Variants in AMD1 observed in about 807,000 individuals in gnomAD.
AMD1 encodes the protein adenosylmethionine decarboxylase 1.
In AMD1, 11 loss-of-function variants were observed where a neutral mutation model predicts 40.2. The observed-to-expected ratio is 0.27, with a 90% CI of 0.17 to 0.45. The LOEUF is 0.45. Ranked by LOEUF, AMD1 falls within the 20% of genes least tolerant of loss-of-function variation. The pLI, the probability that AMD1 is intolerant of heterozygous loss-of-function variation, is 1.00. For missense variants in AMD1, 257 were observed against 410.2 expected (o/e 0.63, Z 3.23); for synonymous variants, 121 against 130.8 (o/e 0.93, Z 0.51).
intron 1 of AMD1, among the ~76,000 whole-genome samples, chr6:110,880,996 A>G (rs79832660): frequency 0.011 from 1,731 of 152,340 alleles, 32 homozygotes; most frequent in African/African-American, 0.04. Context: ...GTCCCTGTAG[A>G]CATTTCTAAA....
At chr6:110,876,664 A>C (rs747021547) in intron 1 of AMD1, among the ~76,000 whole-genome samples, 3 of 152,174 alleles carry the variant, frequency 2.0e-5, no homozygotes, top group Non-Finnish European at 4.4e-5. Context: ...AGCGCTTACT[A>C]CGTGCCAGGC....
At chr6:110,866,056 C>A in the AMD1 span, among the ~76,000 whole-genome samples, 3 of 152,134 alleles carry the variant, frequency 2.0e-5, no homozygotes, top group Admixed American at 2.0e-4. Context: ...ACCCACCATG[C>A]CTGGCCTTCA....
chr6:110,828,856 C>G, the AMD1 span, among the ~76,000 whole-genome samples: 2 of 152,144 alleles, frequency 1.3e-5, no homozygotes, highest in African/African-American at 4.8e-5. Flanking sequence ...AGGTTGGGTG[C>G]CTTTCATCTG....
the AMD1 span, chr6:110,858,513 T>C: frequency 3.8e-6 from 6 of 1,578,358 alleles, no homozygotes. Flanking sequence ...TCCAATTTCA[T>C]CAAGGCCATG....
intron 2 of AMD1, 143 bp downstream of exon 2, chr6:110,887,734 G>A (rs939887864): frequency 2.9e-5 from 15 of 524,646 alleles, no homozygotes; most frequent in South Asian, 1.8e-4. Context: ...CACCCAGGCT[G>A]GAGTGCAATG....
chr6:110,825,111 C>T, the AMD1 span, among the ~76,000 whole-genome samples: 1 of 152,210 alleles, frequency 6.6e-6, no homozygotes, highest in African/African-American at 2.4e-5. Flanking sequence ...TATACACACA[C>T]TGCTTTTTCC....
the AMD1 span, among the ~76,000 whole-genome samples, chr6:110,859,477 C>G: frequency 6.6e-6 from 1 of 152,146 alleles, no homozygotes; most frequent in Non-Finnish European, 1.5e-5. Flanking sequence ...GTTTCCGGTT[C>G]CCTTGTCTCT....
At chr6:110,874,014 C>T (rs1784970394), upstream of AMD1, among the ~76,000 whole-genome samples, 1 of 152,228 alleles carries the variant, frequency 6.6e-6, no homozygotes, top group Non-Finnish European at 1.5e-5. Flanking sequence ...AATGGAGCAA[C>T]GGAGCTGCCA....
At chr6:110,832,064 G>A in the AMD1 span, among the ~76,000 whole-genome samples, 4 of 147,056 alleles carry the variant, frequency 2.7e-5, no homozygotes, top group African/African-American at 1.0e-4. Flanking sequence ...CCAGGCTGGA[G>A]TGCAGTGGCA....
chr6:110,840,592 C>G, the AMD1 span, among the ~76,000 whole-genome samples: 1 of 152,100 alleles, frequency 6.6e-6, no homozygotes, highest in Admixed American at 6.6e-5. Context: ...AGGCCTGCCA[C>G]CCTTCAGGAA....
At chr6:110,818,300 G>A in the AMD1 span, among the ~76,000 whole-genome samples, 1 of 152,078 alleles carries the variant, frequency 6.6e-6, no homozygotes, top group African/African-American at 2.4e-5. Flanking sequence ...AAAAAAAGGG[G>A]GATAGGAAGT....
At chr6:110,872,656 A>G (rs1784938731), upstream of AMD1, among the ~76,000 whole-genome samples, 2 of 152,244 alleles carry the variant, frequency 1.3e-5, no homozygotes, top group Admixed American at 1.3e-4. Flanking sequence ...GAGAAACCAG[A>G]GTATACAAGG....
In AMD1 at chr6:110,894,840, G is replaced by A. The variant is rs1334150721; in HGVS notation, c.*1224G>A. The A allele has an allele frequency of 6.6e-6, 1 of 152,098 alleles. No homozygotes were observed. Among genetic ancestry groups the A allele is most frequent in the African/African-American group, 2.4e-5 (1 of 41,412 alleles). 9.4% of individuals were successfully genotyped at this position (152,098 alleles called of 1,614,324 possible). On this transcript the variant is annotated 3_prime_UTR_variant, in exon 9 of 9. Coordinates refer to ENST00000368885, the MANE Select transcript of AMD1 (RefSeq NM_001634.6). Reference sequence around the variant, plus strand: ...ACTTCATCTGTTCCTCTTAACTACGGTGTTTCCCTTACCATGGCATTCATA... The same window carrying A: ...ACTTCATCTGTTCCTCTTAACTACGATGTTTCCCTTACCATGGCATTCATA...
chr6:110,894,827 C>T lies in AMD1; in HGVS notation c.*1211C>T, dbSNP rs566817889. The T allele has an allele frequency of 1.3e-5, 2 of 152,226 alleles. No individual in the cohort carries two copies. The highest frequency in any genetic ancestry group is 1.3e-4 in the Admixed American group (2 of 15,268). The allele number at this position is 152,226 out of a possible 1,614,324, so 9.4% of individuals were successfully genotyped here. Reference sequence around the variant, plus strand: ...TGTGAGTGTTCCGACTTCATCTGTTCCTCTTAACTACGGTGTTTCCCTTAC... The same window carrying T: ...TGTGAGTGTTCCGACTTCATCTGTTTCTCTTAACTACGGTGTTTCCCTTAC... On this transcript the variant is annotated 3_prime_UTR_variant, in exon 9 of 9. Coordinates refer to ENST00000368885, the MANE Select transcript of AMD1 (RefSeq NM_001634.6).
chr6:110,821,651 T>C, the AMD1 span, among the ~76,000 whole-genome samples: 1 of 151,778 alleles, frequency 6.6e-6, no homozygotes, highest in Non-Finnish European at 1.5e-5. Context: ...AAATCTGCAA[T>C]AAAAGAAAAA....
the AMD1 span, chr6:110,815,205 C>G: frequency 2.1e-4 from 311 of 1,449,620 alleles, no homozygotes; most frequent in Non-Finnish European, 2.7e-4. Flanking sequence ...CCTCCTCCCC[C>G]CGCGACCGCC....
intron 4 of AMD1, 67 bp from the exon 5 acceptor site, chr6:110,892,094 G>GGAT: frequency 1.3e-6 from 2 of 1,520,500 alleles, no homozygotes; most frequent in Non-Finnish European, 1.8e-6. Context: ...TATTGTGGAA[G>GGAT]GGTAGTAACA....
chr6:110,882,188 GTGGCACGATCT>G (rs1441208982), intron 1 of AMD1, among the ~76,000 whole-genome samples: 5 of 152,208 alleles, frequency 3.3e-5, no homozygotes, highest in Admixed American at 1.3e-4. Context: ...CTGGTGTGCA[GTGGCACGATCT>G]TGGCTCACTG....
At chr6:110,839,585 C>T in the AMD1 span, among the ~76,000 whole-genome samples, 1 of 152,152 alleles carries the variant, frequency 6.6e-6, no homozygotes, top group Admixed American at 6.6e-5. Context: ...CATGCCACTG[C>T]ACTCCAGCCT....
Sources: allele counts gnomAD v4.1 joint callset (sites outside exome capture counted in the v4.1 genomes callset), GRCh38; gene constraint gnomAD v4.1.1; transcripts MANE v1.5; gene names NCBI Gene and HGNC (gene_info 2026-07-23, HGNC 2026-07-21).